GBE1: variants seen among roughly 807,000 people sequenced by gnomAD.
The protein encoded by GBE1 is 1,4-alpha-glucan-branching enzyme.
GBE1 carries 70 observed loss-of-function variants against 88.8 expected under a neutral mutation model. That is an observed-to-expected ratio of 0.79 (90% CI 0.65 to 0.96). The LOEUF (loss-of-function observed/expected upper bound fraction) is 0.96, where lower values mean the gene tolerates loss of function less well. Among genes scored for constraint, GBE1 ranks in the 40% least tolerant of loss-of-function variants. The pLI, the probability that GBE1 is intolerant of heterozygous loss-of-function variation, is 0.00. For synonymous variants in GBE1, 284 were observed against 300.1 expected (o/e 0.95, Z 0.56); for missense variants, 872 against 871.0 (o/e 1.00, Z -0.01).
chr3:81,720,748 A>T (rs1038989265), intron 1 of GBE1, among the ~76,000 whole-genome samples: 1 of 152,046 alleles, frequency 6.6e-6, no homozygotes, highest in East Asian at 1.9e-4. Flanking sequence ...ACCCACATGC[A>T]CACGTATGTT....
At position 81,527,605 on chromosome 3, in the gene GBE1, C is replaced by A. The variant is rs534473820; in HGVS notation, c.1934+7590G>T. The stretch of plus-strand genomic sequence containing the variant: ...AGAAGACATTTATGCAGCCAAAAGA[C>A]ACATGAAAAAATGCTCATCATCACT... On this transcript the variant is annotated intron_variant, in intron 14 of 15. Transcript: ENST00000429644. 5.9e-5 allele frequency among the ~76,000 whole-genome samples: 9 copies of A among 152,198 alleles called. No individual in the cohort carries two copies. The South Asian group carries it at 1.9e-3, about 32-fold the overall frequency.
intron 14 of GBE1, among the ~76,000 whole-genome samples, chr3:81,506,394 C>A (rs750832690): frequency 6.6e-6 from 1 of 152,026 alleles, no homozygotes; most frequent in Admixed American, 6.6e-5. Flanking sequence ...ATTAAAAAGT[C>A]AAAAAATAAC....
At chr3:81,682,921 G>C (rs925298478) in intron 2 of GBE1, among the ~76,000 whole-genome samples, 1 of 152,102 alleles carries the variant, frequency 6.6e-6, no homozygotes, top group African/African-American at 2.4e-5. Flanking sequence ...GTCATTAATA[G>C]GAATGAAGTA....
At chr3:81,587,394 T>C (rs751582970) in intron 9 of GBE1, among the ~76,000 whole-genome samples, 5 of 152,132 alleles carry the variant, frequency 3.3e-5, no homozygotes, top group Non-Finnish European at 7.4e-5. Context: ...TCATTACTGC[T>C]TGCCTAGACC....
chr3:81,761,584 C>G lies in GBE1; in HGVS notation c.-67G>C, dbSNP rs551519727. 2.0e-5 allele frequency: 30 copies of G among 1,525,160 alleles called. No homozygotes were observed. The highest frequency in any genetic ancestry group is 2.5e-5 in the Non-Finnish European group (28 of 1,137,168). The allele number at this position is 1,525,160 out of a possible 1,614,324, so 94.5% of individuals were successfully genotyped here. A position where few individuals can be genotyped will look rare whatever the true frequency, so the allele number is the denominator to read the frequency against. On this transcript the variant is annotated 5_prime_UTR_variant, in exon 1 of 16. Coordinates refer to ENST00000429644, the MANE Select transcript of GBE1 (RefSeq NM_000158.4). Reference sequence around the variant, plus strand: ...TGGGGCCTGAGCGGGCGCTGGAGCTCTAGCTGGGACGCGGCGGCTAGGGCG... The same window carrying G: ...TGGGGCCTGAGCGGGCGCTGGAGCTGTAGCTGGGACGCGGCGGCTAGGGCG...
intron 2 of GBE1, among the ~76,000 whole-genome samples, chr3:81,674,605 AC>A (rs927020347): frequency 3.3e-4 from 50 of 151,922 alleles, no homozygotes; most frequent in Non-Finnish European, 1.6e-4. Flanking sequence ...GCTGGTAGAC[AC>A]ATTTTAGGGA....
At chr3:81,512,631 T>G (rs1326617137) in intron 14 of GBE1, among the ~76,000 whole-genome samples, 1 of 151,854 alleles carries the variant, frequency 6.6e-6, no homozygotes, top group African/African-American at 2.4e-5. Flanking sequence ...AAAACTGTAC[T>G]GAATTTAGAG....
At chr3:81,568,421 C>A (rs1703526581) in intron 12 of GBE1, among the ~76,000 whole-genome samples, 2 of 152,082 alleles carry the variant, frequency 1.3e-5, no homozygotes, top group Admixed American at 6.6e-5. Context: ...ATTGTGTTCT[C>A]AATTTTAACA....
intron 12 of GBE1, among the ~76,000 whole-genome samples, chr3:81,556,578 G>C (rs1703351514): frequency 6.6e-6 from 1 of 152,048 alleles, no homozygotes; most frequent in African/African-American, 2.4e-5. Flanking sequence ...AGACATTCTA[G>C]ACTACTATCC....
At chr3:81,639,532 G>T (rs557542652) in intron 7 of GBE1, among the ~76,000 whole-genome samples, 2 of 151,950 alleles carry the variant, frequency 1.3e-5, no homozygotes, top group Non-Finnish European at 2.9e-5. Context: ...GGGCGTTAAG[G>T]AATTTTAAGG....
intron 2 of GBE1, among the ~76,000 whole-genome samples, chr3:81,682,107 G>C (rs1372584506): frequency 6.6e-6 from 1 of 152,126 alleles, no homozygotes; most frequent in Non-Finnish European, 1.5e-5. Context: ...TTTAAAATGA[G>C]CAAAGGATCT....
At chr3:81,641,532 A>C (rs75062507) in intron 7 of GBE1, among the ~76,000 whole-genome samples, 1 of 152,034 alleles carries the variant, frequency 6.6e-6, no homozygotes, top group African/African-American at 2.4e-5. Flanking sequence ...ATTAGTCCCC[A>C]AACTCTGCCT....
rs187637966 is a variant in GBE1 at position 81,528,210 on chromosome 3, C to T, written c.1934+6985G>A. ...GGAAGGGGAACATCACACAGTGGGG[C>T]CTGTTGTGGGGTGGGAGGAGGGGGG... On this transcript the variant is annotated intron_variant, in intron 14 of 15. Transcript: ENST00000429644. 2.2e-3 allele frequency among the ~76,000 whole-genome samples: 234 copies of T among 107,852 alleles called. 4 individuals are homozygous for T. In the East Asian group the frequency reaches 0.061, roughly 28 times the overall value. 70.8% of individuals were successfully genotyped at this position (107,852 alleles called of 152,430 possible).
intron 1 of GBE1, among the ~76,000 whole-genome samples, chr3:81,710,590 A>C (rs928255517): frequency 6.6e-6 from 1 of 151,694 alleles, no homozygotes; most frequent in African/African-American, 2.4e-5. Context: ...CTTTTTCCTA[A>C]TTTTTTTAAC....
At chr3:81,627,987 T>C (rs1704442728) in intron 7 of GBE1, among the ~76,000 whole-genome samples, 1 of 151,950 alleles carries the variant, frequency 6.6e-6, no homozygotes, top group South Asian at 2.1e-4. Context: ...TTTTAAATCT[T>C]ATAATAGCTC....
chr3:81,497,890 T>C (rs1409391775), intron 15 of GBE1, among the ~76,000 whole-genome samples: 1 of 152,218 alleles, frequency 6.6e-6, no homozygotes, highest in Non-Finnish European at 1.5e-5. Flanking sequence ...TTATCAAACT[T>C]ATTTTACGTG....
In GBE1 at chr3:81,701,365, T is replaced by C. The variant is rs1026815611; in HGVS notation, c.313+4079A>G. On this transcript the variant is annotated intron_variant, in intron 2 of 15. Coordinates refer to ENST00000429644, the MANE Select transcript of GBE1 (RefSeq NM_000158.4). The stretch of plus-strand genomic sequence containing the variant: ...ATAAGTACTATATTTAAAGTGAAGC[T>C]GTTTTCCTACTAGTTTTTTAAAATG... Among the ~76,000 whole-genome samples the C allele has an allele frequency of 3.3e-5, 5 of 152,284 alleles. No homozygotes were observed. The South Asian group carries it at 1.0e-3, about 32-fold the overall frequency.
chr3:81,507,454 C>G (rs957409966), intron 14 of GBE1, among the ~76,000 whole-genome samples: 2 of 151,910 alleles, frequency 1.3e-5, no homozygotes, highest in African/African-American at 2.4e-5. Context: ...GTCCCAGCTA[C>G]TTGGGAGGCT....
chr3:81,536,394 A>G (rs1192400692), intron 13 of GBE1, among the ~76,000 whole-genome samples: 2 of 151,984 alleles, frequency 1.3e-5, no homozygotes, highest in Non-Finnish European at 2.9e-5. Flanking sequence ...TTGAAAACTG[A>G]GACATTAATT....
Sources: allele counts gnomAD v4.1 joint callset (sites outside exome capture counted in the v4.1 genomes callset), GRCh38; gene constraint gnomAD v4.1.1; transcripts MANE v1.5; gene names NCBI Gene and HGNC (gene_info 2026-07-23, HGNC 2026-07-21).